The following CUX2 variants were observed in gnomAD, a reference collection of about 807,000 sequenced individuals.
CUX2 encodes the protein cut like homeobox 2.
Under a neutral mutation model 144.8 loss-of-function variants are expected in CUX2, and 40 were observed. The observed-to-expected ratio is 0.28, with a 90% confidence interval of 0.21 to 0.36. The LOEUF is 0.36. Ranked by LOEUF, CUX2 falls within the 10% of genes least tolerant of loss-of-function variation. The pLI is 1.00. For synonymous variants in CUX2, 827 were observed against 875.6 expected, an observed-to-expected ratio of 0.94 and a Z score of 0.98; for missense variants, 1,615 against 1,994.0, an observed-to-expected ratio of 0.81 and a Z score of 3.62.
intron 1 of CUX2, among the ~76,000 whole-genome samples, chr12:111,054,476 G>A (rs1654463261): frequency 1.3e-5 from 2 of 152,242 alleles, no homozygotes; most frequent in African/African-American, 4.8e-5. Context: ...TTTCAGCAAT[G>A]AGAGCAGCTC....
rs1047214087 is a variant in CUX2 at position 111,035,986 on chromosome 12, A to C, written c.63+1746A>C. 1.3e-5 allele frequency among the ~76,000 whole-genome samples: 2 copies of C among 152,196 alleles called. No homozygotes were observed. The highest frequency in any genetic ancestry group is 4.8e-5 in the African/African-American group (2 of 41,458). ...GAGAGAGAGAGAGGGAGAATTGGGC[A>C]GCCACATTGGGCTTGGCACGAAGGC... On this transcript the variant is annotated intron_variant, in intron 1 of 21. Transcript: ENST00000261726. This position sits in a 1 kb window ranked among gnomAD's most constrained non-coding sequence, Gnocchi z 6.0.
In CUX2 at chr12:111,118,264, C is replaced by T. The variant is rs554438205; in HGVS notation, c.63+84024C>T. 8.7e-4 allele frequency among the ~76,000 whole-genome samples: 132 copies of T among 152,260 alleles called. 2 individuals carry two copies. The highest frequency in any genetic ancestry group is 2.9e-3 in the African/African-American group (120 of 41,542). On this transcript the variant is annotated intron_variant, in intron 1 of 21. Coordinates refer to ENST00000261726, the MANE Select transcript of CUX2 (RefSeq NM_015267.4). ...TATTTCAAACCAGGTACTCAAAACTCATCACTTCCTAATTATTTTACTGCA... is the reference window on the plus strand; with the variant it reads ...TATTTCAAACCAGGTACTCAAAACTTATCACTTCCTAATTATTTTACTGCA...
rs1870751714 is a variant in CUX2, at chr12:111,061,112, A to C, written c.63+26872A>C. 6.6e-6 allele frequency among the ~76,000 whole-genome samples: 1 copy of C among 151,920 alleles called. No individual in the cohort carries two copies. Among genetic ancestry groups the C allele is most frequent in the East Asian group, 1.9e-4 (1 of 5,152 alleles). On this transcript the variant is annotated intron_variant, in intron 1 of 21. Transcript: ENST00000261726. This position sits in a 1 kb window ranked among gnomAD's most constrained non-coding sequence, Gnocchi z 4.2. ...CCTCCCCTCATGGCTGTGGCCCTGCAGAGGCCAGCCGCTGATCAGTGAGTC... is the reference window on the plus strand; with the variant it reads ...CCTCCCCTCATGGCTGTGGCCCTGCCGAGGCCAGCCGCTGATCAGTGAGTC...
chr12:111,345,085 TAAA>T (rs945069178), intron 21 of CUX2, among the ~76,000 whole-genome samples: 3 of 152,048 alleles, frequency 2.0e-5, no homozygotes, highest in African/African-American at 7.2e-5. Flanking sequence ...TGCCATTTTT[TAAA>T]AAATGTTTTT....
intron 1 of CUX2, among the ~76,000 whole-genome samples, chr12:111,065,070 T>G (rs936885780): frequency 6.6e-6 from 1 of 152,224 alleles, no homozygotes; most frequent in Non-Finnish European, 1.5e-5. Flanking sequence ...CAGTTCCCCA[T>G]GTGTTTTGTA....
In CUX2 at chr12:111,307,179, A is replaced by G. The variant is rs1156494589; in HGVS notation, c.1051-20A>G. 3.1e-6 allele frequency: 5 copies of G among 1,614,082 alleles called. No homozygotes were observed. In the Admixed American group the frequency reaches 5.0e-5, roughly 16 times the overall value. The stretch of plus-strand genomic sequence containing the variant: ...CAGAAGCACACAGACCAGCCTCACC[A>G]TCTTTCTTTGCTCTTCTAGAAGCTG... On this transcript the variant is annotated intron_variant, in intron 11 of 21. Transcript: ENST00000261726. The surrounding 1 kb of genome is among the most constrained non-coding windows in gnomAD (Gnocchi z 4.1).
At chr12:111,288,229 G>A (rs1223428790) in intron 4 of CUX2, among the ~76,000 whole-genome samples, 1 of 152,070 alleles carries the variant, frequency 6.6e-6, no homozygotes, top group African/African-American at 2.4e-5. Flanking sequence ...GTCTGAGGTG[G>A]GAAGGTAAGA....
chr12:111,211,277 G>A (rs1424964004), intron 1 of CUX2, among the ~76,000 whole-genome samples: 1 of 152,188 alleles, frequency 6.6e-6, no homozygotes, highest in Non-Finnish European at 1.5e-5. Context: ...ACCAAGGGCT[G>A]GGCTTGCAGT....
intron 1 of CUX2, among the ~76,000 whole-genome samples, chr12:111,115,907 A>AAATG (rs1011924390): frequency 4.2e-4 from 64 of 152,324 alleles, no homozygotes; most frequent in Admixed American, 1.6e-3. Flanking sequence ...GAAGATTTAT[A>AAATG]AATGAATGAA....
chr12:111,204,842 A>C (rs1470103994), intron 1 of CUX2, among the ~76,000 whole-genome samples: 1 of 152,062 alleles, frequency 6.6e-6, no homozygotes, highest in Non-Finnish European at 1.5e-5. Flanking sequence ...CAGCACTGGG[A>C]GTTTGCTAAG....
chr12:111,162,874 C>T (rs1877870545), intron 1 of CUX2, among the ~76,000 whole-genome samples: 1 of 152,002 alleles, frequency 6.6e-6, no homozygotes, highest in African/African-American at 2.4e-5. Flanking sequence ...GGTGAAACCC[C>T]ATCTCTAATA....
At chr12:111,139,723 C>T (rs1479328409) in intron 1 of CUX2, among the ~76,000 whole-genome samples, 4 of 152,118 alleles carry the variant, frequency 2.6e-5, no homozygotes, top group African/African-American at 4.8e-5. Flanking sequence ...ACAGTTCATC[C>T]GTTCCTTCCA....
At chr12:111,049,003 A>G (rs1870130977) in intron 1 of CUX2, among the ~76,000 whole-genome samples, 1 of 152,112 alleles carries the variant, frequency 6.6e-6, no homozygotes, top group African/African-American at 2.4e-5. Flanking sequence ...CTACTCATTC[A>G]TAAATCTGCT....
In CUX2 at chr12:111,304,260, C is replaced by G; in HGVS notation, c.804C>G (p.Ala268=). Reference sequence around the variant, plus strand: ...TGGAAAGTCTCCGGGAACAGCTGGCCTCTGTCAACAGCTCCATCCGCCTGG... The same window carrying G: ...TGGAAAGTCTCCGGGAACAGCTGGCGTCTGTCAACAGCTCCATCCGCCTGG... The part of the protein sequence containing the change: ...REVESLREQL[A]SVNSSIRLAC... The change falls in exon 10 of 22, where the codon GCC becomes GCG. Residue 268 remains alanine (A), a synonymous_variant. Coordinates refer to ENST00000261726, the MANE Select transcript of CUX2 (RefSeq NM_015267.4). The surrounding 1 kb of genome is among the most constrained non-coding windows in gnomAD (Gnocchi z 4.7). 1 of 1,614,044 alleles carries G rather than the reference C, an allele frequency of 6.2e-7. No homozygotes were observed. The highest frequency in any genetic ancestry group is 8.5e-7 in the Non-Finnish European group (1 of 1,179,980).
At position 111,258,942 on chromosome 12, in the gene CUX2, A is replaced by G. The variant is rs528804369; in HGVS notation, c.223-4819A>G. ...AGTGACACAAGTGCACTTAGAGTGC[A>G]TTGCAGCCTAAACCTCCCAGACTCA... On this transcript the variant is annotated intron_variant, in intron 3 of 21. Coordinates refer to ENST00000261726, the MANE Select transcript of CUX2 (RefSeq NM_015267.4). 4.6e-5 allele frequency among the ~76,000 whole-genome samples: 7 copies of G among 152,038 alleles called. No homozygotes were observed. In the South Asian group the frequency reaches 8.3e-4, roughly 18 times the overall value.
chr12:111,296,328 C>G (rs1337110796), intron 7 of CUX2, 145 bp from the exon 8 acceptor site: 22 of 660,728 alleles, frequency 3.3e-5, no homozygotes, highest in Middle Eastern at 4.2e-4. Flanking sequence ...GTCACCAGTT[C>G]TGACTGAGAG....
chr12:111,347,352 G>C (rs138956916), intron 21 of CUX2, among the ~76,000 whole-genome samples, 172 bp from the exon 22 acceptor site: 3 of 152,148 alleles, frequency 2.0e-5, no homozygotes, highest in Admixed American at 1.3e-4. Context: ...TAATAATAGC[G>C]CCCACCTTGT....
Position 111,267,214 on chromosome 12 carries a change from A to G in CUX2, c.301+3375A>G, listed in dbSNP as rs796887611. Among the ~76,000 whole-genome samples, 609 of 149,172 alleles carry G rather than the reference A, an allele frequency of 4.1e-3. 2 individuals carry two copies. The highest frequency in any genetic ancestry group is 0.011 in the Middle Eastern group (3 of 282). On this transcript the variant is annotated intron_variant, in intron 4 of 21. Transcript: ENST00000261726. Reference sequence around the variant, plus strand: ...CCCTGTCAAAAAAAAAAAAAAAAAAAAAAGAAAGAAAGGGAGGGAGGGAGG... The same window carrying G: ...CCCTGTCAAAAAAAAAAAAAAAAAAGAAAGAAAGAAAGGGAGGGAGGGAGG...
chr12:111,274,297 G>A (rs1055513953), intron 4 of CUX2, among the ~76,000 whole-genome samples: 10 of 152,102 alleles, frequency 6.6e-5, no homozygotes, highest in African/African-American at 2.4e-4. Flanking sequence ...TGGCTGGGTG[G>A]CCTTGAGTAA....
Sources: gnomAD v4.1 joint callset for allele counts (sites outside exome capture counted in the v4.1 genomes callset) on GRCh38, gnomAD v4.1.1 for gene constraint, Gnocchi (gnomAD v3.1) non-coding constraint, MANE v1.5 for transcripts, NCBI Gene and HGNC (gene_info 2026-07-23, HGNC 2026-07-21) for gene names.